USP10: variants seen among roughly 807,000 people sequenced by gnomAD.
USP10 encodes ubiquitin carboxyl-terminal hydrolase 10.
A neutral mutation model predicts 84.5 loss-of-function variants in USP10; 22 were observed. The observed-to-expected ratio is 0.26, with a 90% CI of 0.19 to 0.37. The LOEUF (loss-of-function observed/expected upper bound fraction) is 0.37. Ranked by LOEUF, USP10 falls within the 10% of genes least tolerant of loss-of-function variation. USP10 has a pLI of 1.00. For missense variants in USP10, 1,019 were observed against 998.9 expected, an observed-to-expected ratio of 1.02 and a Z score of -0.27; for synonymous variants, 454 against 387.6, an observed-to-expected ratio of 1.17 and a Z score of -2.01.
chr16:84,775,109 A>G (rs1597410137), intron 12 of USP10, 51 bp from the exon 13 acceptor site: 1 of 1,540,884 alleles, frequency 6.5e-7, no homozygotes, highest in African/African-American at 1.4e-5. Context: ...TGCTGCTGTT[A>G]CCCTGAACCT....
At chr16:84,771,141 T>C (rs142679367) in intron 11 of USP10, among the ~76,000 whole-genome samples, 8 of 152,332 alleles carry the variant, frequency 5.3e-5, no homozygotes, top group African/African-American at 1.9e-4. Flanking sequence ...GGATTGTTAT[T>C]TGTAAAGATG....
chr16:84,769,986 T>G (rs566828276), intron 11 of USP10, among the ~76,000 whole-genome samples: 1 of 152,196 alleles, frequency 6.6e-6, no homozygotes, highest in South Asian at 2.1e-4. Flanking sequence ...GCTCACGCCC[T>G]TAGTCCCAGC....
rs114772935 is a variant in USP10, at chr16:84,730,030, A to G, written c.22-3405A>G. On this transcript the variant is annotated intron_variant, in intron 1 of 13. Coordinates refer to ENST00000219473, the MANE Select transcript of USP10 (RefSeq NM_005153.3). ...TTGTAAGGTGATTTCTGTTGTGTTTACTTTTTATGATTAATGTTTTGAATA... is the reference window on the plus strand; with the variant it reads ...TTGTAAGGTGATTTCTGTTGTGTTTGCTTTTTATGATTAATGTTTTGAATA... Among the ~76,000 whole-genome samples the G allele has an allele frequency of 4.6e-3, 707 of 152,252 alleles. 7 individuals are homozygous for G. Among genetic ancestry groups the G allele is most frequent in the African/African-American group, 0.016 (683 of 41,542 alleles).
Position 84,763,067 on chromosome 16 carries a change from C to G in USP10, c.1633C>G (p.Leu545Val), listed in dbSNP as rs1283756036. The change falls in exon 9 of 14, where the codon CTT (leucine) becomes GTT (valine). Residue 545 changes from leucine to valine, a missense_variant. Transcript: ENST00000219473. ...LHEEMLNLKK[L>V]LSPSNEKLTI... ...TGAGGAAATGTTGAACCTAAAGAAG[C>G]TTCTCTCACCAAGTAATGAAAGTAG... The G allele has an allele frequency of 6.2e-7, 1 of 1,610,764 alleles. No homozygotes were observed. The highest frequency in any genetic ancestry group is 2.2e-5 in the East Asian group (1 of 44,826).
chr16:84,745,701 G>A, intron 4 of USP10, 28 bp downstream of exon 4: 1 of 1,576,724 alleles, frequency 6.3e-7, no homozygotes, highest in South Asian at 1.2e-5. Flanking sequence ...CAAATCTAGA[G>A]TGAAGATGGG....
At chr16:84,768,152 A>G (rs35376569) in intron 10 of USP10, 41 bp from the exon 11 acceptor site, 35,042 of 1,538,258 alleles carry the variant, frequency 0.023, 463 homozygotes, top group Admixed American at 0.03. Flanking sequence ...AGTGGCAAGG[A>G]GTGGTCTCTT....
At chr16:84,743,013 C>G (rs1458639326) in intron 3 of USP10, among the ~76,000 whole-genome samples, 1 of 152,184 alleles carries the variant, frequency 6.6e-6, no homozygotes, top group African/African-American at 2.4e-5. Context: ...AAAGGGCAGG[C>G]TCCACATGGA....
chr16:84,774,323 G>A (rs953285472), intron 12 of USP10, among the ~76,000 whole-genome samples: 7 of 152,092 alleles, frequency 4.6e-5, no homozygotes, highest in East Asian at 3.8e-4. Context: ...TGGCTGCCTC[G>A]AACAGCATGC....
At chr16:84,777,524 C>G (rs1417921916) in intron 13 of USP10, among the ~76,000 whole-genome samples, 1 of 152,174 alleles carries the variant, frequency 6.6e-6, no homozygotes, top group Non-Finnish European at 1.5e-5. Context: ...TGAAGCTATG[C>G]CCTTGGATTG....
intron 1 of USP10, among the ~76,000 whole-genome samples, chr16:84,719,571 A>G (rs1362477897): frequency 6.6e-6 from 1 of 152,210 alleles, no homozygotes; most frequent in Non-Finnish European, 1.5e-5. Flanking sequence ...AATATGGTTT[A>G]TGCTGCTCCC....
At chr16:84,755,588 A>G (rs766039418) in intron 4 of USP10, among the ~76,000 whole-genome samples, 7 of 152,082 alleles carry the variant, frequency 4.6e-5, no homozygotes, top group Non-Finnish European at 8.8e-5. Context: ...GTGAGGCATA[A>G]TCACGCCACT....
At chr16:84,734,462 A>C (rs753625125) in intron 2 of USP10, among the ~76,000 whole-genome samples, 4 of 152,162 alleles carry the variant, frequency 2.6e-5, no homozygotes, top group Non-Finnish European at 1.5e-5. Flanking sequence ...TCCCTTGTCC[A>C]TATTTTTAAA....
chr16:84,759,679 T>C (rs3764332), intron 6 of USP10, among the ~76,000 whole-genome samples: 5 of 152,112 alleles, frequency 3.3e-5, no homozygotes, highest in African/African-American at 4.8e-5. Flanking sequence ...TTAGATTCAG[T>C]AGAAAATATT....
At chr16:84,725,154 C>G (rs996411108) in intron 1 of USP10, among the ~76,000 whole-genome samples, 1 of 152,094 alleles carries the variant, frequency 6.6e-6, no homozygotes, top group Non-Finnish European at 1.5e-5. Flanking sequence ...TTCATCATCC[C>G]CAAAAGAAAG....
Position 84,745,394 on chromosome 16 carries a change from C to A in USP10, c.913C>A (p.His305Asn). The A allele has an allele frequency of 6.2e-7, 1 of 1,613,576 alleles. No individual in the cohort carries two copies. Among genetic ancestry groups the A allele is most frequent in the Non-Finnish European group, 8.5e-7 (1 of 1,179,718 alleles). ...CACAGCTACCAACGGGGTGGAGTTG[C>A]ACACCACGGAAAGCATAGACTTGGA... ...EGTATNGVELHTTESIDLDPT... is the reference protein window; with the variant it reads ...EGTATNGVELNTTESIDLDPT... The change falls in exon 4 of 14, where the codon CAC (histidine) becomes AAC (asparagine). Residue 305 changes from histidine to asparagine, a missense_variant. Physicochemically the swap from His to Asn is moderately conservative, Grantham distance 68 (BLOSUM62 1). Coordinates refer to ENST00000219473, the MANE Select transcript of USP10 (RefSeq NM_005153.3).
intron 1 of USP10, among the ~76,000 whole-genome samples, chr16:84,713,660 G>C (rs535735057): frequency 3.9e-4 from 60 of 152,304 alleles, no homozygotes; most frequent in African/African-American, 1.3e-3. Flanking sequence ...TACCACAGTG[G>C]ACATATTCAG....
chr16:84,758,414 A>T (rs1912835200), intron 4 of USP10, among the ~76,000 whole-genome samples: 1 of 152,178 alleles, frequency 6.6e-6, no homozygotes, highest in Non-Finnish European at 1.5e-5. Context: ...TCTAATAATG[A>T]TACTGTGTTA....
At chr16:84,766,546 T>C (rs72797596) in intron 10 of USP10, among the ~76,000 whole-genome samples, 3,230 of 152,350 alleles carry the variant, frequency 0.021, 90 homozygotes, top group South Asian at 0.12. Context: ...GAGAGAAAGA[T>C]GAATGGACAG....
intron 10 of USP10, 143 bp from the exon 11 acceptor site, chr16:84,768,050 A>G: frequency 1.2e-6 from 1 of 807,686 alleles, no homozygotes; most frequent in East Asian, 2.7e-5. Context: ...TTTTAAATTC[A>G]GTATATTTTT....
Sources: allele counts gnomAD v4.1 joint callset (sites outside exome capture counted in the v4.1 genomes callset), GRCh38; gene constraint gnomAD v4.1.1; transcripts MANE v1.5; gene names NCBI Gene and HGNC (gene_info 2026-07-23, HGNC 2026-07-21).